The following KIFC1 variants were observed in gnomAD, a reference collection of about 807,000 sequenced individuals.
KIFC1 encodes kinesin family member C1, also known as kinesin-like protein KIFC1.
In KIFC1, 37 loss-of-function variants were observed where a neutral mutation model predicts 66.6. The observed-to-expected ratio is 0.56, with a 90% confidence interval of 0.43 to 0.73. KIFC1 has a LOEUF of 0.73. Ranked by LOEUF, KIFC1 falls within the 30% of genes least tolerant of loss-of-function variation. The probability of loss-of-function intolerance (pLI) is 0.00; values close to 1 mark genes in which losing one functional copy is unlikely to be tolerated. For synonymous variants in KIFC1, 325 were observed against 343.5 expected (o/e 0.95, Z 0.60); for missense variants, 721 against 859.8 (o/e 0.84, Z 2.02).
Position 33,401,704 on chromosome 6 carries a change from CTTTT to C in KIFC1, c.251-1598_251-1595del, listed in dbSNP as rs9280440. On this transcript the variant is annotated intron_variant, in intron 3 of 10. Coordinates refer to ENST00000428849, the MANE Select transcript of KIFC1 (RefSeq NM_002263.4). The surrounding 1 kb of genome is among the most constrained non-coding windows in gnomAD (Gnocchi z 4.5). ...ATAACAATGCTTTCTTCTGGATTGC[CTTTT>C]TTTTTTTTTTTGAGACGGAGTCTCG... is the stretch of plus-strand genomic sequence containing the variant. Among the ~76,000 whole-genome samples the C allele has an allele frequency of 2.3e-5, 3 of 129,810 alleles. No individual in the cohort carries two copies. The highest frequency in any genetic ancestry group is 1.7e-5 in the Non-Finnish European group (1 of 60,414). 85.2% of individuals were successfully genotyped at this position (129,810 alleles called of 152,430 possible).
Position 33,406,142 on chromosome 6 carries a change from T to C in KIFC1, c.1537-54T>C, listed in dbSNP as rs1181572799. ...GGGCTCTTATTCATTTCCATACATA[T>C]TACTATGTACTGACTTCTGCCTGCC... On this transcript the variant is annotated intron_variant, in intron 7 of 10. Coordinates refer to ENST00000428849, the MANE Select transcript of KIFC1 (RefSeq NM_002263.4). This position sits in a 1 kb window ranked among gnomAD's most constrained non-coding sequence, Gnocchi z 4.5. 6.8e-7 allele frequency: 1 copy of C among 1,475,964 alleles called. No individual in the cohort carries two copies. Among genetic ancestry groups the C allele is most frequent in the African/African-American group, 1.4e-5 (1 of 71,402 alleles). 91.4% of individuals were successfully genotyped at this position (1,475,964 alleles called of 1,614,324 possible). A position where few individuals can be genotyped will look rare whatever the true frequency, so the allele number is the denominator to read the frequency against.
chr6:33,400,654 C>CTT lies in KIFC1; in HGVS notation c.250+2276_250+2277dup. On this transcript the variant is annotated intron_variant, in intron 3 of 10. Transcript: ENST00000428849. This position sits in a 1 kb window ranked among gnomAD's most constrained non-coding sequence, Gnocchi z 4.3. ...AGCCGAAAGCCGAGAGCTTCTCTCT[C>CTT]TTTTTTTTTTGAGATGGAGTCTCGC... The CTT allele has an allele frequency of 2.0e-5, 11 of 560,030 alleles. No individual in the cohort carries two copies. Among genetic ancestry groups the CTT allele is most frequent in the Non-Finnish European group, 2.8e-5 (9 of 322,452 alleles). 34.7% of individuals were successfully genotyped at this position (560,030 alleles called of 1,614,324 possible). A position where few individuals can be genotyped will look rare whatever the true frequency, so the allele number is the denominator to read the frequency against.
rs1418689350 is a variant in KIFC1 at position 33,404,715 on chromosome 6, C to T, written c.757-137C>T. The T allele has an allele frequency of 1.3e-6, 1 of 743,050 alleles. No homozygotes were observed. The highest frequency in any genetic ancestry group is 2.2e-6 in the Non-Finnish European group (1 of 452,288). The allele number at this position is 743,050 out of a possible 1,614,324, so 46.0% of individuals were successfully genotyped here. Reference sequence around the variant, plus strand: ...TTAGTACCATGATTCCTTATTTTCTCATCTTTCTTTGTTTACCAGACTTTG... The same window carrying T: ...TTAGTACCATGATTCCTTATTTTCTTATCTTTCTTTGTTTACCAGACTTTG... On this transcript the variant is annotated intron_variant, in intron 6 of 10. Coordinates refer to ENST00000428849, the MANE Select transcript of KIFC1 (RefSeq NM_002263.4). The surrounding 1 kb of genome is among the most constrained non-coding windows in gnomAD (Gnocchi z 4.0).
In KIFC1 at chr6:33,405,538, AG is replaced by A; in HGVS notation, c.1448del (p.Gly483AlafsTer94). Reference protein sequence around the residue: ...LLATGTRKGQGGECEIRRAGP... With the variant: ...LLATGTRKGQXGECEIRRAGP... ...TGGCCACTGGAACCCGGAAGGGTCA[AG>A]GGGGCGAGTGTGAGATTCGCCGTGC... On this transcript the variant is annotated frameshift_variant, in exon 7 of 11. Transcript: ENST00000428849. LOFTEE classifies it high-confidence loss of function. The surrounding 1 kb of genome is among the most constrained non-coding windows in gnomAD (Gnocchi z 5.4). The A allele has an allele frequency of 6.2e-7, 1 of 1,609,224 alleles. No homozygotes were observed.
At position 33,409,730 on chromosome 6, in the gene KIFC1, TG is replaced by T. The variant is rs751655335; in HGVS notation, c.*41del. 1.4e-3 allele frequency: 2,091 copies of T among 1,458,010 alleles called. 3 individuals carry two copies. The highest frequency in any genetic ancestry group is 1.8e-3 in the Non-Finnish European group (1,906 of 1,053,492). 90.3% of individuals were successfully genotyped at this position (1,458,010 alleles called of 1,614,324 possible). On this transcript the variant is annotated 3_prime_UTR_variant, in exon 11 of 11. Coordinates refer to ENST00000428849, the MANE Select transcript of KIFC1 (RefSeq NM_002263.4). ...CTGTGTGTGTGTGTGTGTGTGTGTGTGTGTGTGTGTGTGTGTGTGTGTGTCC... is the reference window on the plus strand; with the variant it reads ...CTGTGTGTGTGTGTGTGTGTGTGTGTTGTGTGTGTGTGTGTGTGTGTGTCC...
At position 33,400,693 on chromosome 6, in the gene KIFC1, C is replaced by T. The variant is rs564525879; in HGVS notation, c.250+2306C>T. On this transcript the variant is annotated intron_variant, in intron 3 of 10. Transcript: ENST00000428849. This position sits in a 1 kb window ranked among gnomAD's most constrained non-coding sequence, Gnocchi z 4.3. ...ATGGAGTCTCGCTCTGTCGCCCAGG[C>T]TGGAGTGCAGTGGCACAATCTCGGC... 36 of 585,058 alleles carry T rather than the reference C, an allele frequency of 6.2e-5. No individual in the cohort carries two copies. The African/African-American group carries it at 6.7e-4, about 11-fold the overall frequency. 36.2% of individuals were successfully genotyped at this position (585,058 alleles called of 1,614,324 possible). A position where few individuals can be genotyped will look rare whatever the true frequency, so the allele number is the denominator to read the frequency against.
intron 3 of KIFC1, 133 bp downstream of exon 3, chr6:33,398,520 A>G (rs1775212602): frequency 5.5e-6 from 4 of 724,098 alleles, no homozygotes; most frequent in Non-Finnish European, 9.4e-6. Context: ...GCTGGAGTGC[A>G]GTGGCTCAAT....
intron 1 of KIFC1, among the ~76,000 whole-genome samples, chr6:33,394,998 G>A (rs1263222558): frequency 3.9e-5 from 6 of 152,198 alleles, no homozygotes; most frequent in African/African-American, 1.4e-4. Context: ...ACTGAAGAAA[G>A]CCTATTAAGG....
intron 10 of KIFC1, among the ~76,000 whole-genome samples, chr6:33,409,025 G>C (rs1255965371): frequency 6.6e-6 from 1 of 152,124 alleles, no homozygotes; most frequent in Non-Finnish European, 1.5e-5. Flanking sequence ...AAAATTCACC[G>C]GGCGTGGTGG....
chr6:33,401,870 T>A lies in KIFC1; in HGVS notation c.251-1444T>A, dbSNP rs557445613. On this transcript the variant is annotated intron_variant, in intron 3 of 10. Coordinates refer to ENST00000428849, the MANE Select transcript of KIFC1 (RefSeq NM_002263.4). This position sits in a 1 kb window ranked among gnomAD's most constrained non-coding sequence, Gnocchi z 4.5. ...GTGCCCGCCACCACGCCTGGTTAAT[T>A]TTGTTTTTGTATTTTTAGGAGAGAC... Among the ~76,000 whole-genome samples, 16 of 152,074 alleles carry A rather than the reference T, an allele frequency of 1.1e-4. No homozygotes were observed. The South Asian group carries it at 3.3e-3, about 32-fold the overall frequency.
In KIFC1 at chr6:33,403,717, T is replaced by C; in HGVS notation, c.356-12T>C. ...ACTTCACTGACCTTTGTCCTTTCTG[T>C]GTTCATCTTAGCATCAGGTGTTCCT... On this transcript the variant is annotated splice_polypyrimidine_tract_variant and intron_variant, in intron 5 of 10. Transcript: ENST00000428849. The surrounding 1 kb of genome is among the most constrained non-coding windows in gnomAD (Gnocchi z 4.6). The C allele has an allele frequency of 6.2e-7, 1 of 1,608,654 alleles. No individual in the cohort carries two copies. The highest frequency in any genetic ancestry group is 8.5e-7 in the Non-Finnish European group (1 of 1,176,876).
At chr6:33,398,499 C>A in intron 3 of KIFC1, 112 bp downstream of exon 3, 1 of 859,136 alleles carries the variant, frequency 1.2e-6, no homozygotes. Flanking sequence ...GAGTCTCGCT[C>A]TATCGCCCAG....
Position 33,403,774 on chromosome 6 carries a change from G to C in KIFC1, c.401G>C (p.Arg134Pro), listed in dbSNP as rs767111043. ...PMAGGKKPSK[R>P]PAWDLKGQLC... Reference sequence around the variant, plus strand: ...GCAGGAGGGAAGAAACCCAGCAAACGTCCAGCCTGGGACTTAAAGGGTCAG... The same window carrying C: ...GCAGGAGGGAAGAAACCCAGCAAACCTCCAGCCTGGGACTTAAAGGGTCAG... Residue 134 changes from arginine (R) to proline (P), a missense_variant, in exon 6 of 11, where the codon CGT becomes CCT. Coordinates refer to ENST00000428849, the MANE Select transcript of KIFC1 (RefSeq NM_002263.4). This position sits in a 1 kb window ranked among gnomAD's most constrained non-coding sequence, Gnocchi z 4.6. 6.2e-7 allele frequency: 1 copy of C among 1,614,036 alleles called. No individual in the cohort carries two copies. Among genetic ancestry groups the C allele is most frequent in the South Asian group, 1.1e-5 (1 of 91,054 alleles).
In KIFC1 at chr6:33,406,570, T is replaced by C; in HGVS notation, c.1828-22T>C. ...AGAACCCTGCCTATTCCTAAACATCTGTCCCCACCTCAATCATCTAGGAGT... is the reference window on the plus strand; with the variant it reads ...AGAACCCTGCCTATTCCTAAACATCCGTCCCCACCTCAATCATCTAGGAGT... On this transcript the variant is annotated intron_variant, in intron 8 of 10. Transcript: ENST00000428849. The surrounding 1 kb of genome is among the most constrained non-coding windows in gnomAD (Gnocchi z 4.5). 1 of 1,613,996 alleles carries C rather than the reference T, an allele frequency of 6.2e-7. No homozygotes were observed. The highest frequency in any genetic ancestry group is 8.5e-7 in the Non-Finnish European group (1 of 1,179,928).
chr6:33,399,921 A>G (rs1342296607), intron 3 of KIFC1: 1 of 553,788 alleles, frequency 1.8e-6, no homozygotes, highest in Non-Finnish European at 3.2e-6. Flanking sequence ...ACCTTAGTTT[A>G]CTATAACTAT....
intron 1 of KIFC1, among the ~76,000 whole-genome samples, 187 bp from the exon 2 acceptor site, chr6:33,397,842 G>T (rs183791595): frequency 2.4e-4 from 36 of 152,212 alleles, no homozygotes; most frequent in Admixed American, 1.3e-3. Flanking sequence ...TCCCCTAGAG[G>T]TTATTCCCAC....
chr6:33,393,748 ATTT>A (rs35719649), intron 1 of KIFC1, among the ~76,000 whole-genome samples: 1 of 115,768 alleles, frequency 8.6e-6, no homozygotes. Context: ...GCCCTGCAAC[ATTT>A]TTTTTTTTTT....
chr6:33,406,504 G>A lies in KIFC1; in HGVS notation c.1827+18G>A, dbSNP rs775563548. On this transcript the variant is annotated intron_variant, in intron 8 of 10. Transcript: ENST00000428849. The surrounding 1 kb of genome is among the most constrained non-coding windows in gnomAD (Gnocchi z 4.5). The stretch of plus-strand genomic sequence containing the variant: ...GCAACAAGGTGGGAATGGGAGTGGG[G>A]TGAGATACGGGACCTGGGGGACAGT... 8.1e-6 allele frequency: 13 copies of A among 1,605,170 alleles called. No individual in the cohort carries two copies. The highest frequency in any genetic ancestry group is 1.1e-5 in the South Asian group (1 of 89,732).
rs1775554105 is a variant in KIFC1, at chr6:33,404,780, T to A, written c.757-72T>A. The A allele has an allele frequency of 6.9e-7, 1 of 1,444,292 alleles. No individual in the cohort carries two copies. The highest frequency in any genetic ancestry group is 9.4e-7 in the Non-Finnish European group (1 of 1,063,392). The allele number at this position is 1,444,292 out of a possible 1,614,324, so 89.5% of individuals were successfully genotyped here. Reference sequence around the variant, plus strand: ...AGGGACCTCACTTCCACCCACTCCATACGCCCCACAGTTTGTTCTTCTTCT... The same window carrying A: ...AGGGACCTCACTTCCACCCACTCCAAACGCCCCACAGTTTGTTCTTCTTCT... On this transcript the variant is annotated intron_variant, in intron 6 of 10. Coordinates refer to ENST00000428849, the MANE Select transcript of KIFC1 (RefSeq NM_002263.4). The surrounding 1 kb of genome is among the most constrained non-coding windows in gnomAD (Gnocchi z 4.0).
Sources: allele counts gnomAD v4.1 joint callset (sites outside exome capture counted in the v4.1 genomes callset), GRCh38; gene constraint gnomAD v4.1.1; non-coding constraint Gnocchi (gnomAD v3.1); transcripts MANE v1.5; gene names NCBI Gene and HGNC (gene_info 2026-07-23, HGNC 2026-07-21).